Variants in PPP2R1B observed in about 807,000 individuals in gnomAD.
The protein encoded by PPP2R1B is serine/threonine-protein phosphatase 2A 65 kDa regulatory subunit A beta isoform.
Under a neutral mutation model 72.7 loss-of-function variants are expected in PPP2R1B, and 58 were observed. That is an observed-to-expected ratio of 0.80 (90% CI 0.65 to 0.99). The LOEUF is 0.99. Ranked by LOEUF, PPP2R1B falls within the 50% of genes least tolerant of loss-of-function variation. PPP2R1B has a pLI of 0.00. For synonymous variants in PPP2R1B, 256 were observed against 264.6 expected (o/e 0.97, Z 0.32); for missense variants, 695 against 733.6 (o/e 0.95, Z 0.61).
chr11:111,765,268 CT>C (rs782679435), intron 2 of PPP2R1B, 25 bp downstream of exon 2: 8 of 1,579,304 alleles, frequency 5.1e-6, no homozygotes, highest in Non-Finnish European at 6.1e-6. Context: ...ATGTCCCTAC[CT>C]TTCTTTAAAC....
intron 4 of PPP2R1B, among the ~76,000 whole-genome samples, 193 bp from the exon 5 acceptor site, chr11:111,760,144 C>T (rs1173386835): frequency 9.9e-5 from 15 of 152,208 alleles, no homozygotes; most frequent in African/African-American, 3.6e-4. Flanking sequence ...GGCATGGTGC[C>T]TCACACCTGT....
At chr11:111,703,326 C>T in the PPP2R1B span, 11 of 1,614,044 alleles carry the variant, frequency 6.8e-6, no homozygotes, top group Non-Finnish European at 8.5e-6. Context: ...GTTCTCTATC[C>T]ACAAGAGCAA....
intron 15 of PPP2R1B, among the ~76,000 whole-genome samples, chr11:111,732,804 G>A (rs1388519036): frequency 2.6e-5 from 4 of 152,176 alleles, no homozygotes; most frequent in Non-Finnish European, 5.9e-5. Flanking sequence ...CCAGCAGCCC[G>A]TGGGCACCAT....
chr11:111,702,493 G>T, the PPP2R1B span, among the ~76,000 whole-genome samples: 2 of 152,188 alleles, frequency 1.3e-5, no homozygotes, highest in Non-Finnish European at 2.9e-5. Context: ...GGAAGCTGAG[G>T]CAGAAGGATT....
At chr11:111,721,995 T>A, downstream of PPP2R1B, 1 of 1,385,720 alleles carries the variant, frequency 7.2e-7, no homozygotes, top group Non-Finnish European at 9.8e-7. Context: ...AATCTGTTCT[T>A]CTGCAAAGCA....
chr11:111,712,303 C>T, the PPP2R1B span: 1 of 1,614,182 alleles, frequency 6.2e-7, no homozygotes, highest in East Asian at 2.2e-5. Flanking sequence ...ACGTGGAGGC[C>T]TTTTCATTTC....
chr11:111,744,805 C>T (rs1271022650), intron 11 of PPP2R1B, among the ~76,000 whole-genome samples: 2 of 152,156 alleles, frequency 1.3e-5, no homozygotes, highest in Non-Finnish European at 2.9e-5. Flanking sequence ...ATGTTGAGAA[C>T]AAGCAAGACA....
chr11:111,753,351 T>C, intron 9 of PPP2R1B, 92 bp downstream of exon 9: 2 of 1,464,066 alleles, frequency 1.4e-6, no homozygotes. Context: ...ATCCATTTTC[T>C]TTTTGGGGGT....
intron 3 of PPP2R1B, among the ~76,000 whole-genome samples, chr11:111,761,836 G>A (rs1565479928): frequency 6.6e-6 from 1 of 152,150 alleles, no homozygotes; most frequent in African/African-American, 2.4e-5. Flanking sequence ...GCACACGCCT[G>A]TAAACCCAGC....
chr11:111,766,139 G>T, intron 1 of PPP2R1B, 109 bp downstream of exon 1: 3 of 1,020,740 alleles, frequency 2.9e-6, no homozygotes, highest in Non-Finnish European at 4.4e-6. Flanking sequence ...TCTGCTACGA[G>T]TCCGACTCAT....
intron 5 of PPP2R1B, among the ~76,000 whole-genome samples, chr11:111,756,239 AAG>A: frequency 6.6e-6 from 1 of 151,634 alleles, no homozygotes; most frequent in African/African-American, 2.4e-5. Context: ...AAAAAAAAGA[AAG>A]AGCTGCTCCC....
chr11:111,717,342 A>AAAAG, the PPP2R1B span, among the ~76,000 whole-genome samples: 1 of 151,066 alleles, frequency 6.6e-6, no homozygotes, highest in Non-Finnish European at 1.5e-5. Context: ...AAAAAAAAAA[A>AAAAG]AGCTCAACAT....
chr11:111,732,177 C>G (rs1266130307), intron 15 of PPP2R1B, among the ~76,000 whole-genome samples: 2 of 152,252 alleles, frequency 1.3e-5, no homozygotes, highest in Non-Finnish European at 2.9e-5. Context: ...GCCCAAGGTT[C>G]TGTTCCTGGC....
Position 111,738,000 on chromosome 11 carries a change from G to T in PPP2R1B, c.*3596C>A. ...GATTTCCATCCCAACTGAACGTTAT[G>T]TAATTTCCTGGAAACAGCAGGCTCG... On this transcript the variant is annotated 3_prime_UTR_variant, in exon 15 of 15. Transcript: ENST00000527614. The T allele has an allele frequency of 9.9e-7, 1 of 1,010,152 alleles. No individual in the cohort carries two copies. The highest frequency in any genetic ancestry group is 1.2e-6 in the Non-Finnish European group (1 of 843,588). 62.6% of individuals were successfully genotyped at this position (1,010,152 alleles called of 1,614,324 possible).
the PPP2R1B span, chr11:111,720,508 C>T: frequency 6.2e-7 from 1 of 1,610,742 alleles, no homozygotes; most frequent in South Asian, 1.1e-5. Flanking sequence ...GACAGCCCCT[C>T]CCTTGACAGT....
downstream of PPP2R1B, among the ~76,000 whole-genome samples, chr11:111,733,543 A>T (rs1944256036): frequency 6.6e-6 from 1 of 152,166 alleles, no homozygotes; most frequent in Admixed American, 6.5e-5. Context: ...CCAAAAGTGA[A>T]ATGCCCCGAG....
the PPP2R1B span, chr11:111,720,888 CT>C: frequency 6.2e-7 from 1 of 1,612,404 alleles, no homozygotes; most frequent in Non-Finnish European, 8.5e-7. Flanking sequence ...GGTCTTGGTG[CT>C]TTCTTTCAGG....
At chr11:111,741,713 A>G (rs2136042590) in intron 14 of PPP2R1B, 101 bp from the exon 15 acceptor site, 1 of 1,300,932 alleles carries the variant, frequency 7.7e-7, no homozygotes, top group East Asian at 2.3e-5. Context: ...GTATCAAACT[A>G]ACAACTTCTC....
chr11:111,691,479 A>G, the PPP2R1B span, among the ~76,000 whole-genome samples: 2 of 152,202 alleles, frequency 1.3e-5, no homozygotes, highest in Non-Finnish European at 2.9e-5. Flanking sequence ...GATAATAAGT[A>G]GCAGACCTGG....
Sources: allele counts gnomAD v4.1 joint callset (sites outside exome capture counted in the v4.1 genomes callset), GRCh38; gene constraint gnomAD v4.1.1; transcripts MANE v1.5; gene names NCBI Gene and HGNC (gene_info 2026-07-23, HGNC 2026-07-21).